The following PPP1R1C variants were observed in gnomAD, a reference collection of about 807,000 sequenced individuals.
PPP1R1C encodes protein phosphatase 1 regulatory inhibitor subunit 1C.
Under a neutral mutation model 17.4 loss-of-function variants are expected in PPP1R1C, and 15 were observed. That is an observed-to-expected ratio of 0.86 (90% CI 0.58 to 1.33). The LOEUF is 1.33. Among genes scored for constraint, PPP1R1C ranks in the 40% most tolerant of loss-of-function variants. The pLI is 0.00. For missense variants in PPP1R1C, 143 were observed against 130.0 expected, an observed-to-expected ratio of 1.10 and a Z score of -0.48; for synonymous variants, 35 against 43.1, an observed-to-expected ratio of 0.81 and a Z score of 0.73.
chr2:182,090,521 A>G lies in PPP1R1C; in HGVS notation c.242-26686A>G, dbSNP rs1405453818. On this transcript the variant is annotated intron_variant, in intron 4 of 4. Coordinates refer to ENST00000682840, the MANE Select transcript of PPP1R1C (RefSeq NM_001080545.3). ...CAGACAAGAATTTCTTTCTGCTACA[A>G]CTTGCTGAACAGAGCATTTAAAACC... Among the ~76,000 whole-genome samples the G allele has an allele frequency of 2.0e-5, 3 of 152,148 alleles. No homozygotes were observed. In the East Asian group the frequency reaches 5.8e-4, roughly 29 times the overall value.
At chr2:182,063,299 A>G (rs1687897901) in intron 3 of PPP1R1C, among the ~76,000 whole-genome samples, 1 of 152,022 alleles carries the variant, frequency 6.6e-6, no homozygotes, top group Admixed American at 6.6e-5. Context: ...CTTTCCAAGG[A>G]TCTTCATTGT....
At position 181,986,043 on chromosome 2, in the gene PPP1R1C, A is replaced by G; in HGVS notation, c.-68A>G. On this transcript the variant is annotated 5_prime_UTR_variant, in exon 1 of 5. Transcript: ENST00000682840. ...TAGTGGAGTGTGTCTGAGGAAACACATCCCGGACACCACTTAGGGTTAGTC... is the reference window on the plus strand; with the variant it reads ...TAGTGGAGTGTGTCTGAGGAAACACGTCCCGGACACCACTTAGGGTTAGTC... The G allele has an allele frequency of 3.3e-6, 4 of 1,229,182 alleles. No homozygotes were observed. In the East Asian group the frequency reaches 7.0e-5, roughly 21 times the overall value. The allele number at this position is 1,229,182 out of a possible 1,614,324, so 76.1% of individuals were successfully genotyped here.
chr2:182,056,369 TTAAC>T (rs1344779776), intron 2 of PPP1R1C, among the ~76,000 whole-genome samples: 1 of 152,240 alleles, frequency 6.6e-6, no homozygotes, highest in Non-Finnish European at 1.5e-5. Flanking sequence ...TTGGAGATGT[TTAAC>T]TAATTTTTGA....
intron 1 of PPP1R1C, among the ~76,000 whole-genome samples, chr2:181,963,084 C>G (rs1684837305): frequency 6.6e-6 from 1 of 152,150 alleles, no homozygotes; most frequent in African/African-American, 2.4e-5. Context: ...ATGTTCAGAG[C>G]TTATATTCAG....
chr2:182,019,791 T>C (rs183708610), intron 2 of PPP1R1C, among the ~76,000 whole-genome samples: 2 of 152,302 alleles, frequency 1.3e-5, no homozygotes, highest in Admixed American at 6.5e-5. Context: ...AAGACAGCAT[T>C]GAAATAAGCT....
chr2:182,056,172 A>G (rs1182787001), intron 2 of PPP1R1C, among the ~76,000 whole-genome samples: 2 of 152,304 alleles, frequency 1.3e-5, no homozygotes, highest in African/African-American at 2.4e-5. Context: ...GCCTTTCTCA[A>G]CACAGATGAG....
chr2:182,106,079 AT>A (rs1449334465), intron 4 of PPP1R1C, among the ~76,000 whole-genome samples: 2 of 151,884 alleles, frequency 1.3e-5, no homozygotes, highest in East Asian at 3.9e-4. Flanking sequence ...TTTTCATATC[AT>A]TTTCCTTCTG....
chr2:181,968,868 T>C (rs1270759840), intron 1 of PPP1R1C, among the ~76,000 whole-genome samples: 1 of 152,156 alleles, frequency 6.6e-6, no homozygotes, highest in Non-Finnish European at 1.5e-5. Flanking sequence ...ATCTGTTGTA[T>C]GTTTTTTGAT....
intron 2 of PPP1R1C, among the ~76,000 whole-genome samples, chr2:181,988,254 A>G (rs1685359938): frequency 1.3e-5 from 2 of 152,240 alleles, no homozygotes; most frequent in South Asian, 4.1e-4. Context: ...TTACAGCCCT[A>G]GAGATGCTTA....
intron 2 of PPP1R1C, among the ~76,000 whole-genome samples, chr2:182,036,705 G>T (rs571131703): frequency 6.7e-6 from 1 of 149,480 alleles, no homozygotes; most frequent in South Asian, 2.1e-4. Context: ...CTATGTGTTT[G>T]TGTGTGTGTG....
chr2:181,995,806 T>G (rs1427077614), intron 2 of PPP1R1C, among the ~76,000 whole-genome samples: 1 of 152,094 alleles, frequency 6.6e-6, no homozygotes, highest in Non-Finnish European at 1.5e-5. Flanking sequence ...GGGATTTTTC[T>G]GTCTTTTCTC....
chr2:182,071,822 A>T (rs1688148051), intron 4 of PPP1R1C, among the ~76,000 whole-genome samples: 1 of 152,086 alleles, frequency 6.6e-6, no homozygotes. Context: ...GGCCTTTGGG[A>T]ACTTTTTCCA....
At chr2:181,974,203 T>C (rs1685058930) in intron 1 of PPP1R1C, among the ~76,000 whole-genome samples, 1 of 152,120 alleles carries the variant, frequency 6.6e-6, no homozygotes, top group Admixed American at 6.5e-5. Context: ...AAATCATGTA[T>C]TTGCTGTTTG....
rs541923142 is a variant in PPP1R1C at position 181,994,284 on chromosome 2, T to C, written c.142+6385T>C. On this transcript the variant is annotated intron_variant, in intron 2 of 4. Transcript: ENST00000682840. ...TGTTTGACCAAAATGAAATTCATAT[T>C]CCAACAGTATGTAGAAAGAAAAAAA... is the stretch of plus-strand genomic sequence containing the variant. Among the ~76,000 whole-genome samples the C allele has an allele frequency of 2.4e-3, 373 of 152,248 alleles. 3 individuals are homozygous for C. The highest frequency in any genetic ancestry group is 8.5e-3 in the African/African-American group (352 of 41,558).
At chr2:182,122,582 G>A (rs1314014757), downstream of PPP1R1C, among the ~76,000 whole-genome samples, 2 of 152,050 alleles carry the variant, frequency 1.3e-5, no homozygotes, top group African/African-American at 4.8e-5. Flanking sequence ...TAATTTTATT[G>A]GGATTGCTAG....
chr2:182,072,719 A>G (rs1688176003), intron 4 of PPP1R1C, among the ~76,000 whole-genome samples: 1 of 152,196 alleles, frequency 6.6e-6, no homozygotes, highest in South Asian at 2.1e-4. Context: ...AATTTTTACA[A>G]GATCTTTTTA....
chr2:182,106,087 T>G (rs1045891776), intron 4 of PPP1R1C, among the ~76,000 whole-genome samples: 20 of 152,186 alleles, frequency 1.3e-4, no homozygotes, highest in African/African-American at 4.8e-4. Context: ...TCATTTTCCT[T>G]CTGTACAAAA....
At chr2:182,104,457 T>C (rs1200806816) in intron 4 of PPP1R1C, among the ~76,000 whole-genome samples, 2 of 152,230 alleles carry the variant, frequency 1.3e-5, no homozygotes, top group African/African-American at 4.8e-5. Context: ...GGTGATCATA[T>C]GGTTTTTATT....
At chr2:182,046,093 T>TTTCCTTCCTTCCTTCC (rs56180506) in intron 2 of PPP1R1C, among the ~76,000 whole-genome samples, 2,167 of 143,996 alleles carry the variant, frequency 0.015, 51 homozygotes, top group African/African-American at 0.046. Context: ...CCCTCCTACA[T>TTTCCTTCCTTCCTTCC]TTCCTTCCTT....
Sources: allele counts gnomAD v4.1 joint callset (sites outside exome capture counted in the v4.1 genomes callset), GRCh38; gene constraint gnomAD v4.1.1; transcripts MANE v1.5; gene names NCBI Gene and HGNC (gene_info 2026-07-23, HGNC 2026-07-21).